The following SORCS1 variants were observed in gnomAD, a reference collection of about 807,000 sequenced individuals.
The protein encoded by SORCS1 is sortilin related VPS10 domain containing receptor 1.
In SORCS1, 60 loss-of-function variants were observed where a neutral mutation model predicts 146.1. That is an observed-to-expected ratio of 0.41 (90% CI 0.33 to 0.51). SORCS1 has a LOEUF of 0.51. Among genes scored for constraint, SORCS1 ranks in the 20% least tolerant of loss-of-function variants. SORCS1 has a pLI of 0.21. For missense variants in SORCS1, 1,352 were observed against 1,487.6 expected (o/e 0.91, Z 1.50); for synonymous variants, 637 against 584.0 (o/e 1.09, Z -1.31).
At chr10:106,585,816 A>G (rs975458622) in intron 24 of SORCS1, among the ~76,000 whole-genome samples, 1 of 152,202 alleles carries the variant, frequency 6.6e-6, no homozygotes, top group African/African-American at 2.4e-5. Flanking sequence ...TGTGAGCAAG[A>G]CCAGAACAGT....
At chr10:106,610,355 G>A (rs1846894988) in intron 22 of SORCS1, among the ~76,000 whole-genome samples, 1 of 152,052 alleles carries the variant, frequency 6.6e-6, no homozygotes, top group Non-Finnish European at 1.5e-5. Context: ...TAATATCTCT[G>A]AGTTTCATTT....
intron 1 of SORCS1, 142 bp from the exon 2 acceptor site, chr10:106,956,722 C>T (rs968516332): frequency 1.3e-4 from 93 of 695,966 alleles, no homozygotes; most frequent in Non-Finnish European, 1.3e-4. Context: ...GCCACACTGA[C>T]TGGGGAAAGG....
chr10:106,803,766 G>A (rs577130711), intron 3 of SORCS1, among the ~76,000 whole-genome samples: 1 of 152,286 alleles, frequency 6.6e-6, no homozygotes, highest in South Asian at 2.1e-4. Context: ...AATTGTTACA[G>A]CCAAGGGATG....
chr10:107,100,304 G>C (rs773123693), intron 1 of SORCS1, among the ~76,000 whole-genome samples: 2 of 152,144 alleles, frequency 1.3e-5, no homozygotes, highest in Non-Finnish European at 2.9e-5. Flanking sequence ...ACGAGGTCAG[G>C]AGATCCAGAC....
At chr10:107,179,582 C>T in the SORCS1 span, among the ~76,000 whole-genome samples, 60 of 152,112 alleles carry the variant, frequency 3.9e-4, no homozygotes, top group African/African-American at 1.4e-3. Context: ...TGCATATTTG[C>T]CAGCATTTGA....
intron 2 of SORCS1, among the ~76,000 whole-genome samples, chr10:106,893,192 C>T (rs770633912): frequency 7.2e-5 from 11 of 152,092 alleles, no homozygotes; most frequent in Admixed American, 6.5e-4. Flanking sequence ...CGTGAGCCAC[C>T]GTGGCCAGCC....
At position 106,915,819 on chromosome 10, in the gene SORCS1, C is replaced by T. The variant is rs534486460; in HGVS notation, c.626+40694G>A. The stretch of plus-strand genomic sequence containing the variant: ...GCACTCCCAGAGTGTTTTGGGACAC[C>T]TGGACCAAGTGAGAGCAACAAAGTA... On this transcript the variant is annotated intron_variant, in intron 2 of 25. Coordinates refer to ENST00000263054, the MANE Select transcript of SORCS1 (RefSeq NM_052918.5). 3.1e-3 allele frequency among the ~76,000 whole-genome samples: 465 copies of T among 152,256 alleles called. 1 individual carries two copies. The highest frequency in any genetic ancestry group is 0.011 in the African/African-American group (450 of 41,554).
At chr10:106,994,422 A>T (rs1227113908) in intron 1 of SORCS1, among the ~76,000 whole-genome samples, 1 of 152,194 alleles carries the variant, frequency 6.6e-6, no homozygotes, top group African/African-American at 2.4e-5. Flanking sequence ...TCCGGGAATT[A>T]AAAAAATAGG....
intron 17 of SORCS1, among the ~76,000 whole-genome samples, chr10:106,660,701 G>C (rs1239212271): frequency 2.0e-5 from 3 of 149,830 alleles, no homozygotes; most frequent in African/African-American, 7.4e-5. Context: ...AGTGAGCTGA[G>C]ATCACGCCAC....
intron 1 of SORCS1, among the ~76,000 whole-genome samples, chr10:107,129,107 C>T (rs1173542319): frequency 6.6e-6 from 1 of 152,218 alleles, no homozygotes; most frequent in African/African-American, 2.4e-5. Flanking sequence ...ACAAGTCTTG[C>T]TGGAGCAGGC....
chr10:106,600,247 G>C, intron 23 of SORCS1: 1 of 847,798 alleles, frequency 1.2e-6, no homozygotes, highest in Non-Finnish European at 1.4e-6. Flanking sequence ...TTTTGTTTTG[G>C]TTTACAACAT....
intron 3 of SORCS1, among the ~76,000 whole-genome samples, chr10:106,819,808 GT>G (rs1947924358): frequency 6.6e-6 from 1 of 152,192 alleles, no homozygotes; most frequent in Non-Finnish European, 1.5e-5. Flanking sequence ...CCCTCTGAAA[GT>G]CTTAATAAGT....
intron 1 of SORCS1, among the ~76,000 whole-genome samples, chr10:106,984,089 C>A (rs1956350638): frequency 6.6e-6 from 1 of 152,160 alleles, no homozygotes; most frequent in South Asian, 2.1e-4. Context: ...CGTTATGTAT[C>A]ACAGGACTTG....
intron 2 of SORCS1, among the ~76,000 whole-genome samples, chr10:106,953,184 T>A (rs2138942505): frequency 1.3e-5 from 2 of 151,492 alleles, no homozygotes; most frequent in South Asian, 4.2e-4. Flanking sequence ...TGCATGCGTG[T>A]GTGTATACGC....
intron 1 of SORCS1, among the ~76,000 whole-genome samples, chr10:107,044,814 T>TAAAAAA (rs71025575): frequency 2.2e-5 from 2 of 90,270 alleles, no homozygotes; most frequent in Non-Finnish European, 4.4e-5. Flanking sequence ...TGTGTCTCAA[T>TAAAAAA]AAAAAAAAAA....
At chr10:106,896,059 A>C (rs1951462411) in intron 2 of SORCS1, among the ~76,000 whole-genome samples, 1 of 152,210 alleles carries the variant, frequency 6.6e-6, no homozygotes, top group Non-Finnish European at 1.5e-5. Flanking sequence ...GCTAAGTGAA[A>C]TAAGCCAGTT....
chr10:107,138,232 T>C (rs1967499646), intron 1 of SORCS1, among the ~76,000 whole-genome samples: 1 of 152,234 alleles, frequency 6.6e-6, no homozygotes, highest in South Asian at 2.1e-4. Context: ...GACTAACCAT[T>C]CTTATTTTCA....
intron 2 of SORCS1, among the ~76,000 whole-genome samples, chr10:106,926,826 TATACACACACACACACACACACACAC>T (rs1953050742): frequency 7.1e-6 from 1 of 140,124 alleles, no homozygotes; most frequent in South Asian, 2.3e-4. Flanking sequence ...AAGGAATATA[TATACACACACACACACACACACACAC>T]ACACACACAC....
intron 3 of SORCS1, among the ~76,000 whole-genome samples, chr10:106,812,146 G>A (rs923142715): frequency 3.3e-5 from 5 of 151,796 alleles, no homozygotes; most frequent in Non-Finnish European, 5.9e-5. Context: ...GACTACAGGC[G>A]CCCGCCACTG....
Sources: gnomAD v4.1 joint callset for allele counts (sites outside exome capture counted in the v4.1 genomes callset) on GRCh38, gnomAD v4.1.1 for gene constraint, MANE v1.5 for transcripts, NCBI Gene and HGNC (gene_info 2026-07-23, HGNC 2026-07-21) for gene names.